The following CDH20 variants were observed in gnomAD, a reference collection of about 807,000 sequenced individuals.
CDH20 encodes cadherin 20, also known as cadherin-20.
A neutral mutation model predicts 74.2 loss-of-function variants in CDH20; 29 were observed. The ratio of observed to expected loss-of-function variants is 0.39; its 90% CI spans 0.29 to 0.53. The LOEUF (loss-of-function observed/expected upper bound fraction) is 0.53, where lower values mean the gene tolerates loss of function less well. CDH20 is among the 20% of genes least tolerant of loss of function. The pLI is 0.69. For missense variants in CDH20, 988 were observed against 1,048.3 expected (o/e 0.94, Z 0.79); for synonymous variants, 469 against 405.4 (o/e 1.16, Z -1.88).
At chr18:61,409,284 C>T (rs541666433) in intron 1 of CDH20, among the ~76,000 whole-genome samples, 16 of 152,272 alleles carry the variant, frequency 1.1e-4, no homozygotes, top group Non-Finnish European at 1.3e-4. Flanking sequence ...GCCCCCACCC[C>T]GCATCCTCAT....
chr18:61,548,892 G>A (rs1913340693), intron 10 of CDH20, among the ~76,000 whole-genome samples: 1 of 152,208 alleles, frequency 6.6e-6, no homozygotes, highest in African/African-American at 2.4e-5. Flanking sequence ...CCTTTATTAT[G>A]TCCAAAATGG....
At chr18:61,484,737 CCACACACACACACACACA>C (rs36203080) in intron 1 of CDH20, among the ~76,000 whole-genome samples, 9,700 of 146,300 alleles carry the variant, frequency 0.066, 370 homozygotes, top group East Asian at 0.097. Context: ...TTGCTCTACT[CCACACACACACACACACA>C]CACACACACA....
chr18:61,512,702 G>T (rs1421704298), intron 6 of CDH20, among the ~76,000 whole-genome samples: 1 of 151,996 alleles, frequency 6.6e-6, no homozygotes, highest in Admixed American at 6.6e-5. Flanking sequence ...GGTATGTTGT[G>T]TCTTTGTTCT....
chr18:61,434,462 A>G (rs770692214), intron 1 of CDH20, among the ~76,000 whole-genome samples: 22 of 152,134 alleles, frequency 1.4e-4, no homozygotes, highest in Non-Finnish European at 2.6e-4. Flanking sequence ...CGTAATAAGT[A>G]TTTTGCATGG....
At position 61,536,520 on chromosome 18, in the gene CDH20, T is replaced by C. The variant is rs1213558229; in HGVS notation, c.1299T>C (p.Pro433=). The C allele has an allele frequency of 6.2e-7, 1 of 1,613,626 alleles. No homozygotes were observed. Among genetic ancestry groups the C allele is most frequent in the African/African-American group, 1.3e-5 (1 of 74,920 alleles). Residue 433 remains proline, a synonymous_variant, in exon 8 of 12, where the codon CCT becomes CCC. Transcript: ENST00000262717. ...IRYSIDRSSD[P]GRFFYVDITT... ...ACTCCATTGATAGAAGCAGTGACCC[T>C]GGAAGATTTTTCTATGTTGACATTA...
chr18:61,398,697 G>A (rs1912064911), intron 1 of CDH20, among the ~76,000 whole-genome samples: 1 of 152,122 alleles, frequency 6.6e-6, no homozygotes, highest in Non-Finnish European at 1.5e-5. Context: ...AGACTCCTGA[G>A]TATATACTTT....
chr18:61,466,447 G>A (rs117670694), intron 1 of CDH20, among the ~76,000 whole-genome samples: 685 of 152,182 alleles, frequency 4.5e-3, no homozygotes, highest in Non-Finnish European at 6.5e-3. Flanking sequence ...TTCTAGTCAC[G>A]CAGAGTTACG....
At chr18:61,516,946 TTAGA>T (rs1414406583) in intron 6 of CDH20, among the ~76,000 whole-genome samples, 18 of 152,256 alleles carry the variant, frequency 1.2e-4, no homozygotes, top group Admixed American at 7.2e-4. Flanking sequence ...GACAATAATC[TTAGA>T]TAGTTTTAAA....
chr18:61,352,750 A>G (rs995806919), intron 1 of CDH20, among the ~76,000 whole-genome samples: 7 of 152,220 alleles, frequency 4.6e-5, no homozygotes, highest in Non-Finnish European at 1.0e-4. Flanking sequence ...TGTTTTGACC[A>G]ATTCTTGAAA....
At chr18:61,480,424 A>G (rs1204912849) in intron 1 of CDH20, among the ~76,000 whole-genome samples, 3 of 152,188 alleles carry the variant, frequency 2.0e-5, no homozygotes, top group African/African-American at 7.2e-5. Context: ...TATACATTTT[A>G]GGGAGACATG....
intron 1 of CDH20, among the ~76,000 whole-genome samples, chr18:61,349,762 GAA>G (rs769886527): frequency 7.5e-6 from 1 of 133,400 alleles, no homozygotes; most frequent in Non-Finnish European, 1.6e-5. Flanking sequence ...AGTGACAGAT[GAA>G]AAAAAAAAAA....
intron 6 of CDH20, among the ~76,000 whole-genome samples, chr18:61,521,954 C>A (rs759276995): frequency 6.6e-6 from 1 of 152,152 alleles, no homozygotes; most frequent in Non-Finnish European, 1.5e-5. Context: ...AAACCCACAG[C>A]CAATATTATA....
At chr18:61,527,586 T>G (rs1396244671) in intron 6 of CDH20, among the ~76,000 whole-genome samples, 1 of 152,150 alleles carries the variant, frequency 6.6e-6, no homozygotes, top group Non-Finnish European at 1.5e-5. Flanking sequence ...ATTTTAGAAC[T>G]GAGACAGTAC....
At chr18:61,496,030 A>C (rs1236741282) in intron 2 of CDH20, among the ~76,000 whole-genome samples, 128 of 18,108 alleles carry the variant, frequency 7.1e-3, no homozygotes, top group African/African-American at 0.014. Flanking sequence ...TTCCTCTCCC[A>C]CCTCTCTCCT....
At position 61,504,150 on chromosome 18, in the gene CDH20, G is replaced by A. The variant is rs555689127; in HGVS notation, c.829+1030G>A. On this transcript the variant is annotated intron_variant, in intron 5 of 11. Coordinates refer to ENST00000262717, the MANE Select transcript of CDH20 (RefSeq NM_031891.4). ...TATCTCCAGTGGAAGCCATAGAAAC[G>A]TTTTTGAGCAAGAGGGAGACATAAA... 5.3e-5 allele frequency among the ~76,000 whole-genome samples: 8 copies of A among 152,288 alleles called. No individual in the cohort carries two copies. In the East Asian group the frequency reaches 5.8e-4, roughly 11 times the overall value.
chr18:61,538,620 G>GTTTTTTTTTTTTTTTTTTT (rs746315637), intron 8 of CDH20, among the ~76,000 whole-genome samples: 1 of 41,566 alleles, frequency 2.4e-5, no homozygotes, highest in African/African-American at 7.2e-5. Flanking sequence ...TTTTGTTTTT[G>GTTTTTTTTTTTTTTTTTTT]TTTTGTTTTT....
chr18:61,545,931 C>T (rs151003776), intron 10 of CDH20, among the ~76,000 whole-genome samples: 252 of 152,168 alleles, frequency 1.7e-3, no homozygotes, highest in Non-Finnish European at 2.8e-3. Context: ...TTCAGACCAG[C>T]TAAGGGGCTC....
rs1913549277 is a variant in CDH20 at position 61,554,391 on chromosome 18, T to C, written c.2102T>C (p.Met701Thr). 4.3e-6 allele frequency: 7 copies of C among 1,612,768 alleles called. No homozygotes were observed. The highest frequency in any genetic ancestry group is 4.5e-5 in the East Asian group (2 of 44,852). The change falls in exon 12 of 12, where the codon ATG becomes ACG. Residue 701 changes from methionine to threonine, a missense_variant. By Grantham distance (81) the Met-to-Thr change is moderately conservative. Around this residue, in one of 2 missense-constraint regions of CDH20, gnomAD observed 375 missense variants for 293.1 expected, o/e 1.28. Coordinates refer to ENST00000262717, the MANE Select transcript of CDH20 (RefSeq NM_031891.4). ...GCCGCCCCCAAGACGCGGCAGGACATGCTGCCCGAGATCGAGAGCCTCTCC... is the reference window on the plus strand; with the variant it reads ...GCCGCCCCCAAGACGCGGCAGGACACGCTGCCCGAGATCGAGAGCCTCTCC... ...AGAAPKTRQD[M>T]LPEIESLSRY...
intron 6 of CDH20, among the ~76,000 whole-genome samples, chr18:61,512,426 T>A (rs1301860590): frequency 6.6e-6 from 1 of 152,222 alleles, no homozygotes. Context: ...AAATCTGAGA[T>A]GTCATGAATT....
Sources: gnomAD v4.1 joint callset for allele counts (sites outside exome capture counted in the v4.1 genomes callset) on GRCh38, gnomAD v4.1.1 for gene constraint, gnomAD v4.1.1 regional missense constraint, MANE v1.5 for transcripts, NCBI Gene and HGNC (gene_info 2026-07-23, HGNC 2026-07-21) for gene names.